PDE4B: variants seen among roughly 807,000 people sequenced by gnomAD.
PDE4B encodes the protein phosphodiesterase 4B.
PDE4B carries 20 observed loss-of-function variants against 82.2 expected under a neutral mutation model. The ratio of observed to expected loss-of-function variants is 0.24; its 90% CI spans 0.17 to 0.35. The LOEUF (loss-of-function observed/expected upper bound fraction) is 0.35, where lower values mean the gene tolerates loss of function less well. Among genes scored for constraint, PDE4B ranks in the 10% least tolerant of loss-of-function variants. PDE4B has a pLI of 1.00. For missense variants in PDE4B, 655 were observed against 907.2 expected, an observed-to-expected ratio of 0.72 and a Z score of 3.57; for synonymous variants, 320 against 318.9, an observed-to-expected ratio of 1.00 and a Z score of -0.04.
intron 3 of PDE4B, among the ~76,000 whole-genome samples, chr1:66,095,829 A>G (rs1031673202): frequency 6.6e-6 from 1 of 151,892 alleles, no homozygotes; most frequent in Non-Finnish European, 1.5e-5. Flanking sequence ...AAGGTCTTTT[A>G]TGTTAACCCA....
intron 4 of PDE4B, among the ~76,000 whole-genome samples, 178 bp downstream of exon 4, chr1:66,247,832 A>G (rs1388310026): frequency 6.6e-6 from 1 of 152,218 alleles, no homozygotes; most frequent in Non-Finnish European, 1.5e-5. Flanking sequence ...AGCATGCGGA[A>G]TATGTAGCTG....
rs1478440120 is a variant in PDE4B, at chr1:66,372,990, G to A, written c.*312G>A. 3.9e-6 allele frequency: 1 copy of A among 258,402 alleles called. No homozygotes were observed. Among genetic ancestry groups the A allele is most frequent in the Non-Finnish European group, 7.5e-6 (1 of 133,964 alleles). 16.0% of individuals were successfully genotyped at this position (258,402 alleles called of 1,614,324 possible). A position where few individuals can be genotyped will look rare whatever the true frequency, so the allele number is the denominator to read the frequency against. On this transcript the variant is annotated 3_prime_UTR_variant, in exon 17 of 17. Transcript: ENST00000341517. ...GAGATCATTCTGCACTAAGTTTCGGGAACTTATCCCCGACAGTGACTGAAC... is the reference window on the plus strand; with the variant it reads ...GAGATCATTCTGCACTAAGTTTCGGAAACTTATCCCCGACAGTGACTGAAC...
chr1:66,074,723 A>G (rs887700746), intron 3 of PDE4B, among the ~76,000 whole-genome samples: 5 of 152,116 alleles, frequency 3.3e-5, no homozygotes. Context: ...CATATGAATG[A>G]AATCATATAA....
chr1:65,846,626 A>T (rs1223546428), intron 1 of PDE4B, among the ~76,000 whole-genome samples: 1 of 152,180 alleles, frequency 6.6e-6, no homozygotes, highest in African/African-American at 2.4e-5. Flanking sequence ...CAGAGGGGCA[A>T]ATTCTTACAA....
intron 1 of PDE4B, among the ~76,000 whole-genome samples, chr1:65,795,126 T>C (rs1425133080): frequency 1.3e-5 from 2 of 152,226 alleles, no homozygotes; most frequent in Non-Finnish European, 2.9e-5. Flanking sequence ...AGTTACTGTG[T>C]ATGTACAAAT....
intron 7 of PDE4B, among the ~76,000 whole-genome samples, chr1:66,310,870 TG>T (rs1232185687): frequency 3.3e-5 from 5 of 152,324 alleles, no homozygotes; most frequent in African/African-American, 1.2e-4. Context: ...ATGCCTACTT[TG>T]TAAGGTGTTA....
At chr1:65,832,894 A>G (rs1408327440) in intron 1 of PDE4B, among the ~76,000 whole-genome samples, 2 of 152,222 alleles carry the variant, frequency 1.3e-5, no homozygotes, top group African/African-American at 4.8e-5. Context: ...TTAGAAGATT[A>G]TAATAGTCAT....
intron 3 of PDE4B, among the ~76,000 whole-genome samples, chr1:65,980,705 G>A (rs2100650783): frequency 6.6e-6 from 1 of 152,202 alleles, no homozygotes; most frequent in South Asian, 2.1e-4. Flanking sequence ...TATGTGTCAG[G>A]AAATTCAGAA....
At chr1:66,269,709 G>A (rs916795208) in intron 7 of PDE4B, among the ~76,000 whole-genome samples, 7 of 152,028 alleles carry the variant, frequency 4.6e-5, no homozygotes, top group Non-Finnish European at 8.8e-5. Context: ...CCTATCCTTT[G>A]CTCTTCAATA....
intron 3 of PDE4B, among the ~76,000 whole-genome samples, chr1:66,080,026 C>T (rs1656642213): frequency 6.6e-6 from 1 of 152,116 alleles, no homozygotes; most frequent in South Asian, 2.1e-4. Flanking sequence ...CCTGTTCTGT[C>T]CTCAGATATT....
rs559746783 is a variant in PDE4B at position 65,940,756 on chromosome 1, CA to C, written c.281+21925del. On this transcript the variant is annotated intron_variant, in intron 3 of 16. Transcript: ENST00000341517. ...GGGAAATATTTTTTGGGGTATAAAC[CA>C]AAAGATCAATTTTGGACAAGTATAA... Among the ~76,000 whole-genome samples, 1,087 of 151,940 alleles carry C rather than the reference CA, an allele frequency of 7.2e-3. 4 individuals are homozygous for C. Among genetic ancestry groups the C allele is most frequent in the Non-Finnish European group, 0.012 (807 of 67,940 alleles).
chr1:65,961,310 A>T (rs1193386128), intron 3 of PDE4B, among the ~76,000 whole-genome samples: 1 of 152,192 alleles, frequency 6.6e-6, no homozygotes, highest in Non-Finnish European at 1.5e-5. Context: ...ATTGGCAGAG[A>T]GAACAAAAAG....
chr1:66,222,786 C>T (rs562965496), intron 3 of PDE4B, among the ~76,000 whole-genome samples: 110 of 152,212 alleles, frequency 7.2e-4, no homozygotes, highest in African/African-American at 1.9e-3. Context: ...TAAGAATAGA[C>T]GCTCAAGAAA....
chr1:66,358,655 G>A lies in PDE4B; in HGVS notation c.842-2960G>A, dbSNP rs775163855. On this transcript the variant is annotated intron_variant, in intron 9 of 16. Transcript: ENST00000341517. ...CACCATTGCACTCCAGCCTGGGCGA[G>A]AAGAGCAAAACTCTGTCTCAAAAAA... Among the ~76,000 whole-genome samples, 48 of 127,642 alleles carry A rather than the reference G, an allele frequency of 3.8e-4. 1 individual carries two copies. The highest frequency in any genetic ancestry group is 1.1e-3 in the Admixed American group (12 of 10,970). 83.7% of individuals were successfully genotyped at this position (127,642 alleles called of 152,430 possible). A position where few individuals can be genotyped will look rare whatever the true frequency, so the allele number is the denominator to read the frequency against.
intron 7 of PDE4B, among the ~76,000 whole-genome samples, chr1:66,296,045 G>A (rs1043771536): frequency 1.3e-5 from 2 of 152,070 alleles, no homozygotes; most frequent in African/African-American, 2.4e-5. Context: ...GCTAATGCCC[G>A]CTGGTTTAGA....
chr1:66,014,470 C>T (rs1047840682), intron 3 of PDE4B, among the ~76,000 whole-genome samples: 1 of 151,964 alleles, frequency 6.6e-6, no homozygotes, highest in Non-Finnish European at 1.5e-5. Context: ...TTTTGCATAT[C>T]GTGTAAGATT....
chr1:65,946,811 G>A (rs1309712466), intron 3 of PDE4B, among the ~76,000 whole-genome samples: 2 of 151,926 alleles, frequency 1.3e-5, no homozygotes, highest in Non-Finnish European at 2.9e-5. Context: ...TCTTTGCATC[G>A]TTTGGCAAAT....
At chr1:66,309,241 T>C (rs1447377924) in intron 7 of PDE4B, among the ~76,000 whole-genome samples, 1 of 152,196 alleles carries the variant, frequency 6.6e-6, no homozygotes, top group Non-Finnish European at 1.5e-5. Flanking sequence ...AATAACTAGA[T>C]ACACTTTAAG....
intron 3 of PDE4B, among the ~76,000 whole-genome samples, chr1:65,924,284 C>T (rs1422266666): frequency 3.4e-5 from 5 of 148,982 alleles, no homozygotes; most frequent in African/African-American, 4.9e-5. Context: ...CTGTTTTAGC[C>T]GGGATGGTCT....
Sources: gnomAD v4.1 joint callset for allele counts (sites outside exome capture counted in the v4.1 genomes callset) on GRCh38, gnomAD v4.1.1 for gene constraint, MANE v1.5 for transcripts, NCBI Gene and HGNC (gene_info 2026-07-23, HGNC 2026-07-21) for gene names.